Variants in CCDC34 observed in about 807,000 individuals in gnomAD.
CCDC34 encodes coiled-coil domain containing 34.
In CCDC34, 40 loss-of-function variants were observed where a neutral mutation model predicts 44.1. That is an observed-to-expected ratio of 0.91 (90% CI 0.70 to 1.18). The LOEUF (loss-of-function observed/expected upper bound fraction) is 1.18. Among genes scored for constraint, CCDC34 ranks in the 50% most tolerant of loss-of-function variants. CCDC34 has a pLI of 0.00. For missense variants in CCDC34, 466 were observed against 452.3 expected (o/e 1.03, Z -0.28); for synonymous variants, 159 against 158.2 (o/e 1.01, Z -0.04).
intron 3 of CCDC34, among the ~76,000 whole-genome samples, chr11:27,343,401 C>CAAAAAAAAAAAAA (rs34004808): frequency 2.7e-5 from 3 of 110,742 alleles, no homozygotes; most frequent in African/African-American, 1.1e-4. Flanking sequence ...GACTCCGTCT[C>CAAAAAAAAAAAAA]AAAAAAAAAA....
intron 1 of CCDC34, among the ~76,000 whole-genome samples, chr11:27,359,118 A>T (rs982041234): frequency 6.6e-6 from 1 of 151,448 alleles, no homozygotes; most frequent in African/African-American, 2.4e-5. Flanking sequence ...CATTATCCAC[A>T]CCTCTTGCCA....
At chr11:27,339,090 G>A in intron 5 of CCDC34, 55 bp from the exon 6 acceptor site, 1 of 1,314,314 alleles carries the variant, frequency 7.6e-7, no homozygotes, top group Non-Finnish European at 1.1e-6. Context: ...TGACATCAAA[G>A]AAGCCACTTA....
Position 27,357,418 on chromosome 11 carries a change from T to C in CCDC34, c.483A>G (p.Gln161=). 6.2e-7 allele frequency: 1 copy of C among 1,613,988 alleles called. No individual in the cohort carries two copies. The highest frequency in any genetic ancestry group is 8.5e-7 in the Non-Finnish European group (1 of 1,179,890). The part of the protein sequence containing the change: ...GKEKEERDRL[Q]LKALEELNQQ... ...CTAGTTTTACCTCTAGAGCTTTCAG[T>C]TGCAGCCGGTCACGTTCTTCTTTTT... Residue 161 remains glutamine (Q), a synonymous_variant, in exon 2 of 6, where the codon CAA becomes CAG. Transcript: ENST00000328697.
At position 27,341,316 on chromosome 11, in the gene CCDC34, T is replaced by C. The variant is rs1375656373; in HGVS notation, c.765+76A>G. On this transcript the variant is annotated intron_variant, in intron 4 of 5. Coordinates refer to ENST00000328697, the MANE Select transcript of CCDC34 (RefSeq NM_030771.2). Reference sequence around the variant, plus strand: ...AAGATAGTGCCAATTTTCTATTAGATACTTTTTCTAAGATATAGTTGACAC... The same window carrying C: ...AAGATAGTGCCAATTTTCTATTAGACACTTTTTCTAAGATATAGTTGACAC... The C allele has an allele frequency of 3.5e-6, 3 of 857,736 alleles. No homozygotes were observed. The African/African-American group carries it at 5.2e-5, about 15-fold the overall frequency. The allele number at this position is 857,736 out of a possible 1,614,324, so 53.1% of individuals were successfully genotyped here. A position where few individuals can be genotyped will look rare whatever the true frequency, so the allele number is the denominator to read the frequency against.
intron 2 of CCDC34, among the ~76,000 whole-genome samples, chr11:27,356,019 T>TTTTTTC (rs1703956859): frequency 7.1e-6 from 1 of 141,368 alleles, no homozygotes. Context: ...TTTTTTTTTT[T>TTTTTTC]TTTTTTTTTT....
chr11:27,358,036 T>C (rs536345849), intron 1 of CCDC34, among the ~76,000 whole-genome samples: 2 of 152,240 alleles, frequency 1.3e-5, no homozygotes, highest in Non-Finnish European at 2.9e-5. Context: ...ATGAAAGTTC[T>C]TTATATTATT....
rs993096503 is a variant in CCDC34 at position 27,359,478 on chromosome 11, ATTTTTTTTCTT to A, written c.360-1948_360-1938del. On this transcript the variant is annotated intron_variant, in intron 1 of 5. Transcript: ENST00000328697. The stretch of plus-strand genomic sequence containing the variant: ...TATCTGCTTCTTCCTAGCTATGTAC[ATTTTTTTTCTT>A]TTTTTTTTCTTTTTTTTGAGACGGT... 2.3e-4 allele frequency among the ~76,000 whole-genome samples: 32 copies of A among 141,548 alleles called. No homozygotes were observed. In the South Asian group the frequency reaches 2.8e-3, roughly 13 times the overall value. The allele number at this position is 141,548 out of a possible 152,430, so 92.9% of individuals were successfully genotyped here.
intron 5 of CCDC34, among the ~76,000 whole-genome samples, chr11:27,339,606 G>A (rs576756073): frequency 2.0e-5 from 3 of 152,176 alleles, no homozygotes; most frequent in African/African-American, 7.2e-5. Context: ...TGTGATGTCT[G>A]CCATCTAATA....
chr11:27,340,854 C>T lies in CCDC34; in HGVS notation c.766-17G>A. The T allele has an allele frequency of 1.2e-6, 2 of 1,606,560 alleles. No homozygotes were observed. Among genetic ancestry groups the T allele is most frequent in the Non-Finnish European group, 1.7e-6 (2 of 1,175,984 alleles). ...TTCTTTTTCCTTAAAATGACAAGAC[C>T]AAAATATTTCCAGGGATATTCTGTA... is the stretch of plus-strand genomic sequence containing the variant. On this transcript the variant is annotated splice_polypyrimidine_tract_variant and intron_variant, in intron 4 of 5. Coordinates refer to ENST00000328697, the MANE Select transcript of CCDC34 (RefSeq NM_030771.2).
Position 27,338,891 on chromosome 11 carries a change from GAC to G in CCDC34, c.1050_1051del (p.Lys350AsnfsTer8). On this transcript the variant is annotated frameshift_variant, in exon 6 of 6. Coordinates refer to ENST00000328697, the MANE Select transcript of CCDC34 (RefSeq NM_030771.2). LOFTEE classifies it high-confidence loss of function. Reference sequence around the variant, plus strand: ...GGCTTTATGAATTACCAGAGATGATGACTTGTGTGGCTGACTTATCACAGGTC... The same window carrying G: ...GGCTTTATGAATTACCAGAGATGATGTTGTGTGGCTGACTTATCACAGGTC... 6.2e-7 allele frequency: 1 copy of G among 1,613,852 alleles called. No individual in the cohort carries two copies. The highest frequency in any genetic ancestry group is 8.5e-7 in the Non-Finnish European group (1 of 1,179,864).
rs748956122 is a variant in CCDC34, at chr11:27,363,050, G to A, written c.145C>T (p.Arg49Cys). ...AGCGGCAGCGGCGGCGACGGCGAGC[G>A]CACCACCTCCAGCCCCTGCCCACGT... ...GARGQGLEVV[R>C]SPSPPLPLSC... The change falls in exon 1 of 6, where the codon CGC becomes TGC. Residue 49 changes from arginine (R) to cysteine (C), a missense_variant. Transcript: ENST00000328697. The A allele has an allele frequency of 6.2e-7, 1 of 1,613,680 alleles. No homozygotes were observed. The highest frequency in any genetic ancestry group is 1.1e-5 in the South Asian group (1 of 91,040).
chr11:27,340,636 GAGTATA>G (rs1862341598), intron 5 of CCDC34, 54 bp downstream of exon 5: 2 of 1,462,384 alleles, frequency 1.4e-6, no homozygotes, highest in African/African-American at 2.9e-5. Context: ...CTGTCAAAAG[GAGTATA>G]ATATTTGCTT....
At chr11:27,353,502 T>C (rs1177893447) in intron 2 of CCDC34, among the ~76,000 whole-genome samples, 2 of 152,116 alleles carry the variant, frequency 1.3e-5, no homozygotes, top group African/African-American at 4.8e-5. Context: ...TTAAATGACC[T>C]ATAAAACCAA....
chr11:27,357,289 CAT>C, intron 2 of CCDC34, 112 bp downstream of exon 2: 2 of 993,502 alleles, frequency 2.0e-6, no homozygotes, highest in Non-Finnish European at 2.9e-6. Context: ...AGTAAACTAA[CAT>C]AAATGCAAAG....
chr11:27,340,367 C>T (rs978899160), intron 5 of CCDC34, among the ~76,000 whole-genome samples: 1 of 152,082 alleles, frequency 6.6e-6, no homozygotes, highest in African/African-American at 2.4e-5. Context: ...GGAGAGGAGG[C>T]AAAACGACCC....
intron 2 of CCDC34, among the ~76,000 whole-genome samples, chr11:27,352,441 G>A (rs1271443973): frequency 1.3e-5 from 2 of 151,264 alleles, no homozygotes; most frequent in East Asian, 1.9e-4. Flanking sequence ...ACAAAAGGGG[G>A]AAAAATTATA....
chr11:27,355,265 A>G (rs1341809325), intron 2 of CCDC34, among the ~76,000 whole-genome samples: 1 of 152,210 alleles, frequency 6.6e-6, no homozygotes, highest in Non-Finnish European at 1.5e-5. Context: ...CTTTTGAAAA[A>G]AGAATAGAAT....
intron 2 of CCDC34, among the ~76,000 whole-genome samples, chr11:27,352,351 C>G (rs1326553278): frequency 6.6e-6 from 1 of 151,160 alleles, no homozygotes; most frequent in Non-Finnish European, 1.5e-5. Flanking sequence ...CCACTGTACT[C>G]CAGCCTGGGT....
chr11:27,348,543 G>C (rs898207061), intron 3 of CCDC34, among the ~76,000 whole-genome samples: 3 of 152,100 alleles, frequency 2.0e-5, no homozygotes, highest in Non-Finnish European at 4.4e-5. Context: ...TAAGAAACTA[G>C]CTTTGCTAAT....
Sources: gnomAD v4.1 joint callset for allele counts (sites outside exome capture counted in the v4.1 genomes callset) on GRCh38, gnomAD v4.1.1 for gene constraint, MANE v1.5 for transcripts, NCBI Gene and HGNC (gene_info 2026-07-23, HGNC 2026-07-21) for gene names.